Variants in WWOX observed in about 807,000 individuals in gnomAD.
The protein encoded by WWOX is WW domain containing oxidoreductase.
Under a neutral mutation model 46.2 loss-of-function variants are expected in WWOX, and 69 were observed. That is an observed-to-expected ratio of 1.49 (90% CI 1.23 to 1.82). The LOEUF is 1.82. Among genes scored for constraint, WWOX ranks in the 40% most tolerant of loss-of-function variants. The pLI is 0.00. For missense variants in WWOX, 919 were observed against 542.6 expected, an observed-to-expected ratio of 1.69 and a Z score of -6.89; for synonymous variants, 359 against 202.6, an observed-to-expected ratio of 1.77 and a Z score of -6.56.
At chr16:78,149,242 A>C (rs1039153359) in intron 4 of WWOX, among the ~76,000 whole-genome samples, 3 of 152,212 alleles carry the variant, frequency 2.0e-5, no homozygotes, top group Non-Finnish European at 2.9e-5. Context: ...AATTGAGTAT[A>C]ACTTGTAACG....
intron 8 of WWOX, among the ~76,000 whole-genome samples, chr16:78,773,040 A>G (rs1567549833): frequency 1.3e-5 from 2 of 152,054 alleles, no homozygotes; most frequent in African/African-American, 4.8e-5. Context: ...CTCCAAAGCA[A>G]AACAAACAAA....
intron 8 of WWOX, among the ~76,000 whole-genome samples, chr16:79,087,700 G>C (rs552314881): frequency 6.6e-6 from 1 of 152,328 alleles, no homozygotes; most frequent in East Asian, 1.9e-4. Flanking sequence ...TGAAAGAGGA[G>C]ACTTAAGTTA....
At chr16:78,328,609 T>A (rs559064063) in intron 5 of WWOX, among the ~76,000 whole-genome samples, 1 of 152,270 alleles carries the variant, frequency 6.6e-6, no homozygotes, top group South Asian at 2.1e-4. Flanking sequence ...TAAGATCGAA[T>A]GTGGAAATTA....
chr16:78,963,992 GA>G (rs2046320386), intron 8 of WWOX, among the ~76,000 whole-genome samples: 2 of 152,158 alleles, frequency 1.3e-5, no homozygotes, highest in African/African-American at 2.4e-5. Context: ...CACCATGTAA[GA>G]AGTGCCTTTC....
chr16:78,154,745 T>G (rs571804568), intron 4 of WWOX, among the ~76,000 whole-genome samples: 1 of 152,182 alleles, frequency 6.6e-6, no homozygotes, highest in South Asian at 2.1e-4. Flanking sequence ...CCTAATAGTC[T>G]CACACTTGAC....
intron 7 of WWOX, among the ~76,000 whole-genome samples, chr16:78,428,137 G>A (rs1013669790): frequency 6.6e-6 from 1 of 152,172 alleles, no homozygotes; most frequent in Admixed American, 6.5e-5. Flanking sequence ...GAGGGGCGGG[G>A]GTCCCCCTAC....
chr16:78,659,889 C>A (rs1048864383), intron 8 of WWOX, among the ~76,000 whole-genome samples: 1 of 152,172 alleles, frequency 6.6e-6, no homozygotes, highest in African/African-American at 2.4e-5. Flanking sequence ...TCCCCAGGCT[C>A]AACTATCAGC....
At chr16:78,326,129 C>T (rs1408067409) in intron 5 of WWOX, among the ~76,000 whole-genome samples, 1 of 152,152 alleles carries the variant, frequency 6.6e-6, no homozygotes, top group Non-Finnish European at 1.5e-5. Flanking sequence ...CTCTTAGAAA[C>T]TTTGTACTCA....
chr16:78,864,983 G>A (rs917794043), intron 8 of WWOX, among the ~76,000 whole-genome samples: 16 of 151,492 alleles, frequency 1.1e-4, no homozygotes, highest in Non-Finnish European at 1.8e-4. Flanking sequence ...GGCTGGTCTT[G>A]AACTCCTGAC....
intron 8 of WWOX, among the ~76,000 whole-genome samples, chr16:79,199,259 C>A (rs555718660): frequency 6.6e-6 from 1 of 152,100 alleles, no homozygotes; most frequent in Non-Finnish European, 1.5e-5. Flanking sequence ...GATGAGGTTT[C>A]ACCATGTTGG....
chr16:78,122,048 A>G (rs2033122522), intron 4 of WWOX, among the ~76,000 whole-genome samples: 2 of 152,180 alleles, frequency 1.3e-5, no homozygotes, highest in South Asian at 4.1e-4. Context: ...GTGAGAGACC[A>G]CATTTACATA....
intron 8 of WWOX, among the ~76,000 whole-genome samples, chr16:78,955,625 T>G (rs1035651446): frequency 6.6e-6 from 1 of 152,054 alleles, no homozygotes; most frequent in Non-Finnish European, 1.5e-5. Context: ...TTTATTTTCT[T>G]GTTTCTTTTT....
chr16:78,410,644 A>G (rs1250521172), intron 6 of WWOX, among the ~76,000 whole-genome samples: 1 of 151,814 alleles, frequency 6.6e-6, no homozygotes, highest in African/African-American at 2.4e-5. Context: ...ACGCCATACT[A>G]AAAGTACAAA....
chr16:78,442,923 C>A (rs1007327915), intron 8 of WWOX, among the ~76,000 whole-genome samples: 1 of 151,968 alleles, frequency 6.6e-6, no homozygotes, highest in Non-Finnish European at 1.5e-5. Context: ...GAGATTGAGA[C>A]CATCCTAGCT....
At chr16:78,144,287 C>A (rs751865258) in intron 4 of WWOX, among the ~76,000 whole-genome samples, 8 of 150,374 alleles carry the variant, frequency 5.3e-5, no homozygotes, top group Non-Finnish European at 8.9e-5. Context: ...GTCTTCAGTA[C>A]AAATTTTTAG....
At chr16:78,995,115 G>A (rs1230350888) in intron 8 of WWOX, among the ~76,000 whole-genome samples, 1 of 151,796 alleles carries the variant, frequency 6.6e-6, no homozygotes, top group Non-Finnish European at 1.5e-5. Flanking sequence ...ATAACAGTTT[G>A]TCTTGGCTCT....
At chr16:78,379,767 T>C (rs535221305) in intron 5 of WWOX, among the ~76,000 whole-genome samples, 1 of 152,302 alleles carries the variant, frequency 6.6e-6, no homozygotes, top group East Asian at 1.9e-4. Flanking sequence ...CAATTAACAA[T>C]GATTGTAAAG....
Position 78,944,882 on chromosome 16 carries a change from A to T in WWOX, c.1057-266726A>T, listed in dbSNP as rs1376964689. Among the ~76,000 whole-genome samples, 3 of 152,078 alleles carry T rather than the reference A, an allele frequency of 2.0e-5. No individual in the cohort carries two copies. The East Asian group carries it at 5.8e-4, about 29-fold the overall frequency. ...AACACAGAAGGGAGATTCTAATTGA[A>T]AAACTTTTCCTAAAGGCCAGGCACA... On this transcript the variant is annotated intron_variant, in intron 8 of 8. Coordinates refer to ENST00000566780, the MANE Select transcript of WWOX (RefSeq NM_016373.4).
intron 8 of WWOX, among the ~76,000 whole-genome samples, chr16:78,699,186 A>G (rs992546811): frequency 2.0e-5 from 3 of 152,222 alleles, no homozygotes; most frequent in Admixed American, 6.5e-5. Flanking sequence ...CATTTGGCCC[A>G]TCAGCCATAG....
Sources: gnomAD v4.1 joint callset for allele counts (sites outside exome capture counted in the v4.1 genomes callset) on GRCh38, gnomAD v4.1.1 for gene constraint, MANE v1.5 for transcripts, NCBI Gene and HGNC (gene_info 2026-07-23, HGNC 2026-07-21) for gene names.